Variants in ARHGAP15 observed in about 807,000 individuals in gnomAD.
The protein encoded by ARHGAP15 is Rho GTPase activating protein 15.
In ARHGAP15, 51 loss-of-function variants were observed where a neutral mutation model predicts 63.7. That is an observed-to-expected ratio of 0.80 (90% confidence interval 0.64 to 1.01). The LOEUF is 1.01. Ranked by LOEUF, ARHGAP15 falls within the 50% of genes least tolerant of loss-of-function variation. The pLI, the probability that ARHGAP15 is intolerant of heterozygous loss-of-function variation, is 0.00. For missense variants in ARHGAP15, 560 were observed against 564.6 expected, an observed-to-expected ratio of 0.99 and a Z score of 0.08; for synonymous variants, 191 against 193.8, an observed-to-expected ratio of 0.99 and a Z score of 0.12.
At chr2:143,274,926 C>T (rs1443399996) in intron 6 of ARHGAP15, among the ~76,000 whole-genome samples, 7 of 151,662 alleles carry the variant, frequency 4.6e-5, no homozygotes, top group Admixed American at 6.6e-5. Context: ...TTTGGGAGGC[C>T]GAGGTGGGTG....
chr2:143,338,183 G>A (rs1279894186), intron 6 of ARHGAP15, among the ~76,000 whole-genome samples: 1 of 152,180 alleles, frequency 6.6e-6, no homozygotes, highest in African/African-American at 2.4e-5. Flanking sequence ...GTATACCAGT[G>A]AGTAAGTGGC....
intron 11 of ARHGAP15, among the ~76,000 whole-genome samples, chr2:143,562,468 G>T (rs1696070494): frequency 6.6e-6 from 1 of 152,168 alleles, no homozygotes; most frequent in Non-Finnish European, 1.5e-5. Flanking sequence ...CCTTAAGCCT[G>T]CTCTACTCTC....
At chr2:143,542,499 C>T (rs1695114305) in intron 10 of ARHGAP15, among the ~76,000 whole-genome samples, 1 of 151,714 alleles carries the variant, frequency 6.6e-6, no homozygotes, top group Admixed American at 6.6e-5. Flanking sequence ...GGAGCTGTTC[C>T]TATTCGGCCA....
intron 12 of ARHGAP15, among the ~76,000 whole-genome samples, chr2:143,653,893 C>T (rs1395238629): frequency 6.6e-6 from 1 of 152,204 alleles, no homozygotes; most frequent in African/African-American, 2.4e-5. Context: ...AGTGTAGTCA[C>T]TTCCCAGATT....
intron 6 of ARHGAP15, among the ~76,000 whole-genome samples, chr2:143,319,515 C>A (rs1041831067): frequency 2.6e-5 from 4 of 152,198 alleles, no homozygotes; most frequent in Non-Finnish European, 5.9e-5. Flanking sequence ...AGCCACCGCA[C>A]CTGGCCAGGT....
chr2:143,602,737 A>G (rs556687224), intron 11 of ARHGAP15, among the ~76,000 whole-genome samples: 3 of 152,196 alleles, frequency 2.0e-5, no homozygotes, highest in African/African-American at 7.2e-5. Flanking sequence ...TAAAGAAGCA[A>G]TATCACTGGA....
chr2:143,305,470 TAAAA>T (rs1230789690), intron 6 of ARHGAP15: 1 of 151,876 alleles, frequency 6.6e-6, no homozygotes, highest in Admixed American at 6.6e-5. Context: ...CCTATAATAA[TAAAA>T]AAAGTATGAC....
At chr2:143,430,530 T>C (rs1054019478) in intron 6 of ARHGAP15, among the ~76,000 whole-genome samples, 3 of 151,984 alleles carry the variant, frequency 2.0e-5, no homozygotes, top group Admixed American at 2.0e-4. Context: ...TGATGCAAGA[T>C]GAAAAAAATG....
chr2:143,366,551 A>G (rs535823740), intron 6 of ARHGAP15, among the ~76,000 whole-genome samples: 2 of 152,234 alleles, frequency 1.3e-5, no homozygotes, highest in African/African-American at 2.4e-5. Flanking sequence ...AGTGTTGATA[A>G]TAAACAAAAT....
intron 9 of ARHGAP15, among the ~76,000 whole-genome samples, chr2:143,509,849 C>T (rs1693498837): frequency 1.3e-5 from 2 of 151,680 alleles, no homozygotes; most frequent in Admixed American, 1.3e-4. Flanking sequence ...GGTGAAACCC[C>T]ATCTCAACTA....
rs544677144 is a variant in ARHGAP15, at chr2:143,535,026, TTA to T, written c.925+15664_925+15665del. On this transcript the variant is annotated intron_variant, in intron 10 of 13. Transcript: ENST00000295095. ...TACAATTTCCATATTTCTAATTTCC[TTA>T]TGATAGAAAATTACTATAAGAATAA... is the stretch of plus-strand genomic sequence containing the variant. 5.8e-3 allele frequency among the ~76,000 whole-genome samples: 882 copies of T among 152,320 alleles called. 9 individuals are homozygous for T. Among genetic ancestry groups the T allele is most frequent in the Non-Finnish European group, 1.0e-2 (677 of 68,026 alleles).
chr2:143,736,367 G>C (rs1375152549), intron 13 of ARHGAP15, among the ~76,000 whole-genome samples: 1 of 151,164 alleles, frequency 6.6e-6, no homozygotes, highest in Non-Finnish European at 1.5e-5. Flanking sequence ...CTGCACTCCA[G>C]CCTGGGCAAC....
chr2:143,732,686 A>G (rs1202997592), intron 13 of ARHGAP15, among the ~76,000 whole-genome samples: 1 of 152,018 alleles, frequency 6.6e-6, no homozygotes, highest in East Asian at 1.9e-4. Flanking sequence ...TTAAAGGCCA[A>G]TGGAAAACAT....
intron 10 of ARHGAP15, among the ~76,000 whole-genome samples, chr2:143,541,659 C>A (rs1325397064): frequency 6.6e-6 from 1 of 152,184 alleles, no homozygotes; most frequent in African/African-American, 2.4e-5. Flanking sequence ...CCCTGTTTGC[C>A]TGGGTATCAG....
intron 6 of ARHGAP15, among the ~76,000 whole-genome samples, chr2:143,412,281 G>T (rs189467398): frequency 2.9e-3 from 448 of 152,150 alleles, no homozygotes; most frequent in Non-Finnish European, 3.0e-3. Flanking sequence ...AGAACAAAAC[G>T]GAAATGGATT....
intron 6 of ARHGAP15, among the ~76,000 whole-genome samples, chr2:143,402,601 T>C (rs896002392): frequency 1.3e-5 from 2 of 151,762 alleles, no homozygotes; most frequent in Middle Eastern, 3.4e-3. Context: ...GGGGACTATT[T>C]TGAGATGTGA....
chr2:143,615,303 A>T (rs1422900667), intron 11 of ARHGAP15, among the ~76,000 whole-genome samples: 1 of 152,158 alleles, frequency 6.6e-6, no homozygotes, highest in Non-Finnish European at 1.5e-5. Context: ...CTTTTATTTC[A>T]ATTTTTCTGA....
chr2:143,602,271 G>A (rs1235186843), intron 11 of ARHGAP15, among the ~76,000 whole-genome samples: 1 of 152,146 alleles, frequency 6.6e-6, no homozygotes, highest in Non-Finnish European at 1.5e-5. Context: ...GATAGCCCTG[G>A]AGTGAAGCAA....
At chr2:143,311,131 T>C (rs1226889404) in intron 6 of ARHGAP15, among the ~76,000 whole-genome samples, 1 of 152,094 alleles carries the variant, frequency 6.6e-6, no homozygotes, top group Non-Finnish European at 1.5e-5. Context: ...AAAAGATTCA[T>C]ATTTTTCTAC....
Sources: allele counts gnomAD v4.1 joint callset (sites outside exome capture counted in the v4.1 genomes callset), GRCh38; gene constraint gnomAD v4.1.1; transcripts MANE v1.5; gene names NCBI Gene and HGNC (gene_info 2026-07-23, HGNC 2026-07-21).